FADS3: variants seen among roughly 807,000 people sequenced by gnomAD.
FADS3 encodes the protein cytochrome b5-related protein.
Under a neutral mutation model 60.4 loss-of-function variants are expected in FADS3, and 30 were observed. The observed-to-expected ratio is 0.50, with a 90% CI of 0.37 to 0.67. The LOEUF (loss-of-function observed/expected upper bound fraction) is 0.67. Ranked by LOEUF, FADS3 falls within the 30% of genes least tolerant of loss-of-function variation. The probability of loss-of-function intolerance (pLI) is 0.00; values close to 1 mark genes in which losing one functional copy is unlikely to be tolerated. For missense variants in FADS3, 432 were observed against 598.3 expected, an observed-to-expected ratio of 0.72 and a Z score of 2.90; for synonymous variants, 234 against 249.3, an observed-to-expected ratio of 0.94 and a Z score of 0.58.
Position 61,873,713 on chromosome 11 carries a change from C to T in FADS3, c.*101G>A, listed in dbSNP as rs536946811. 3.7e-6 allele frequency: 3 copies of T among 818,164 alleles called. No individual in the cohort carries two copies. 50.7% of individuals were successfully genotyped at this position (818,164 alleles called of 1,614,324 possible). ...CAGTACCAGGAGGGCAGGCAGGGCA[C>T]CCCCAGGCTGGCCAGTGGAGGGGTG... On this transcript the variant is annotated 3_prime_UTR_variant, in exon 12 of 12. Coordinates refer to ENST00000278829, the MANE Select transcript of FADS3 (RefSeq NM_021727.5).
At chr11:61,878,905 G>A in intron 3 of FADS3, 58 bp from the exon 4 acceptor site, 2 of 1,489,890 alleles carry the variant, frequency 1.3e-6, no homozygotes, top group Non-Finnish European at 1.8e-6. Flanking sequence ...CCAGGGCCTG[G>A]GGCCCCAGTG....
In FADS3 at chr11:61,878,536, G is replaced by A; in HGVS notation, c.723C>T (p.Phe241=). 2 of 1,614,128 alleles carry A rather than the reference G, an allele frequency of 1.2e-6. No homozygotes were observed. The highest frequency in any genetic ancestry group is 2.2e-5 in the South Asian group (2 of 91,082). Residue 241 remains phenylalanine, a synonymous_variant, in exon 5 of 12, where the codon TTC becomes TTT. Transcript: ENST00000278829. The part of the protein sequence containing the change: ...KDPDVTVAPV[F]LLGESSVEYG... ...CCTCGACGGATGACTCCCCCAGGAG[G>A]AAGACGGGCGCCACCGTCACGTCTG...
rs1468312080 is a variant in FADS3 at position 61,873,667 on chromosome 11, AG to A, written c.*146del. 5 of 687,940 alleles carry A rather than the reference AG, an allele frequency of 7.3e-6. No individual in the cohort carries two copies. The highest frequency in any genetic ancestry group is 1.8e-5 in the African/African-American group (1 of 56,730). 42.6% of individuals were successfully genotyped at this position (687,940 alleles called of 1,614,324 possible). ...CATAGGGCTGCTGAATACACATGTG[AG>A]GGGGCCGAGGGGAAGACAACAGTAC... On this transcript the variant is annotated 3_prime_UTR_variant, in exon 12 of 12. Transcript: ENST00000278829.
chr11:61,883,408 G>A (rs780681072), intron 1 of FADS3, among the ~76,000 whole-genome samples: 3 of 152,150 alleles, frequency 2.0e-5, no homozygotes, highest in Non-Finnish European at 4.4e-5. Context: ...CTGAGCCAGC[G>A]TGATGGTGAG....
At chr11:61,890,487 CG>C (rs1938465797) in intron 1 of FADS3, 1 of 152,320 alleles carries the variant, frequency 6.6e-6, no homozygotes, top group African/African-American at 2.4e-5. Context: ...AGGGGCTGGT[CG>C]GGCTGCTCCA....
At chr11:61,874,076 G>A (rs1269026765) in intron 11 of FADS3, among the ~76,000 whole-genome samples, 1 of 152,210 alleles carries the variant, frequency 6.6e-6, no homozygotes, top group Non-Finnish European at 1.5e-5. Flanking sequence ...CGGGGTGACG[G>A]GTGTCGGGTA....
In FADS3 at chr11:61,891,455, G is replaced by C. The variant is rs2136005193; in HGVS notation, c.-74C>G. On this transcript the variant is annotated 5_prime_UTR_variant, in exon 1 of 12. Coordinates refer to ENST00000278829, the MANE Select transcript of FADS3 (RefSeq NM_021727.5). ...CAAGACCCCGAGGGAAGCGAAGAGC[G>C]CTCCCGGGCGCCGCCTCCGCCGCCG... 9.0e-7 allele frequency: 1 copy of C among 1,106,378 alleles called. No individual in the cohort carries two copies. The highest frequency in any genetic ancestry group is 1.2e-6 in the Non-Finnish European group (1 of 864,554). 68.5% of individuals were successfully genotyped at this position (1,106,378 alleles called of 1,614,324 possible). A position where few individuals can be genotyped will look rare whatever the true frequency, so the allele number is the denominator to read the frequency against.
In FADS3 at chr11:61,877,412, T is replaced by C; in HGVS notation, c.885+99A>G. On this transcript the variant is annotated intron_variant, in intron 7 of 11. Coordinates refer to ENST00000278829, the MANE Select transcript of FADS3 (RefSeq NM_021727.5). This position sits in a 1 kb window ranked among gnomAD's most constrained non-coding sequence, Gnocchi z 4.7. ...TGTGAGCCACACTGTTGCACGCACA[T>C]GTGCACCCTGTTTGCCTTCATGGGC... is the stretch of plus-strand genomic sequence containing the variant. The C allele has an allele frequency of 1.8e-6, 2 of 1,099,220 alleles. No homozygotes were observed. The allele number at this position is 1,099,220 out of a possible 1,614,324, so 68.1% of individuals were successfully genotyped here.
chr11:61,885,819 G>C (rs1938294976), intron 1 of FADS3, among the ~76,000 whole-genome samples: 1 of 152,132 alleles, frequency 6.6e-6, no homozygotes, highest in Non-Finnish European at 1.5e-5. Context: ...GGGTGACAGG[G>C]CTATGCCTCA....
chr11:61,874,219 C>T (rs1324372716), intron 11 of FADS3, among the ~76,000 whole-genome samples: 1 of 152,220 alleles, frequency 6.6e-6, no homozygotes, highest in African/African-American at 2.4e-5. Flanking sequence ...TGGAACCTGC[C>T]CACCCGATCT....
chr11:61,877,565 C>G lies in FADS3; in HGVS notation c.831G>C (p.Leu277=). The G allele has an allele frequency of 2.5e-6, 4 of 1,613,744 alleles. No individual in the cohort carries two copies. Among genetic ancestry groups the G allele is most frequent in the Non-Finnish European group, 3.4e-6 (4 of 1,180,006 alleles). Residue 277 remains leucine (L), a synonymous_variant, in exon 7 of 12, where the codon CTG becomes CTC. Coordinates refer to ENST00000278829, the MANE Select transcript of FADS3 (RefSeq NM_021727.5). This position sits in a 1 kb window ranked among gnomAD's most constrained non-coding sequence, Gnocchi z 4.7. ...CCAGATTTTCCACTTCAAAGTTCAC[C>G]AGGGTGAGCAGCGGCGGGCCGACTG... ...FFLIGPPLLT[L]VNFEVENLAY... is the part of the protein sequence containing the mutation.
chr11:61,873,796 C>T lies in FADS3; in HGVS notation c.*18G>A. 1 of 1,606,904 alleles carries T rather than the reference C, an allele frequency of 6.2e-7. No homozygotes were observed. Among genetic ancestry groups the T allele is most frequent in the Admixed American group, 1.7e-5 (1 of 59,412 alleles). On this transcript the variant is annotated 3_prime_UTR_variant, in exon 12 of 12. Transcript: ENST00000278829. ...TGCTGGTGCCCTGAGCCCTTCTCTG[C>T]CCGCCTGGGTGTTGCCTTCACTGAT...
intron 6 of FADS3, 92 bp downstream of exon 6, chr11:61,878,063 C>T: frequency 8.6e-7 from 1 of 1,167,850 alleles, no homozygotes; most frequent in Non-Finnish European, 1.3e-6. Flanking sequence ...CGTGCCCCGC[C>T]CCAGGAAGTG....
chr11:61,880,205 C>A, intron 1 of FADS3, 54 bp from the exon 2 acceptor site: 5 of 1,435,402 alleles, frequency 3.5e-6, no homozygotes, highest in Non-Finnish European at 3.9e-6. Context: ...AGTAGCACAG[C>A]GGCAACCAGC....
At chr11:61,874,751 C>G (rs1306435001) in intron 11 of FADS3, among the ~76,000 whole-genome samples, 1 of 152,108 alleles carries the variant, frequency 6.6e-6, no homozygotes, top group East Asian at 1.9e-4. Context: ...TCCCTGCTCA[C>G]ACGTCAGCCT....
Position 61,876,279 on chromosome 11 carries a change from G to C in FADS3, c.1080+80C>G. On this transcript the variant is annotated intron_variant, in intron 9 of 11. Transcript: ENST00000278829. This position sits in a 1 kb window ranked among gnomAD's most constrained non-coding sequence, Gnocchi z 5.7. ...TCCCCCACCTGGCAGCCCCGTCAGG[G>C]CCTCATCCCTGCTTTGCCATCTGGC... 1 of 1,581,796 alleles carries C rather than the reference G, an allele frequency of 6.3e-7. No individual in the cohort carries two copies. Among genetic ancestry groups the C allele is most frequent in the South Asian group, 1.1e-5 (1 of 88,978 alleles).
At chr11:61,882,214 G>C (rs1291325949) in intron 1 of FADS3, 1 of 145,812 alleles carries the variant, frequency 6.9e-6, no homozygotes, top group African/African-American at 2.5e-5. Flanking sequence ...GGGCTCAGGT[G>C]ATCCTCCCAC....
chr11:61,875,377 TTG>T (rs1468546264), intron 11 of FADS3, among the ~76,000 whole-genome samples: 11 of 7,174 alleles, frequency 1.5e-3, no homozygotes, highest in African/African-American at 5.6e-3. Flanking sequence ...CAGCTAATTT[TTG>T]TTTTTTTTTT....
At chr11:61,884,910 C>T (rs1166469551) in intron 1 of FADS3, among the ~76,000 whole-genome samples, 3 of 152,226 alleles carry the variant, frequency 2.0e-5, no homozygotes, top group Admixed American at 2.0e-4. Flanking sequence ...GTGGCATCCT[C>T]AGAGGCCGGC....
Sources: allele counts gnomAD v4.1 joint callset (sites outside exome capture counted in the v4.1 genomes callset), GRCh38; gene constraint gnomAD v4.1.1; non-coding constraint Gnocchi (gnomAD v3.1); transcripts MANE v1.5; gene names NCBI Gene and HGNC (gene_info 2026-07-23, HGNC 2026-07-21).